Variants in RPL38 observed in about 807,000 individuals in gnomAD.
RPL38 encodes ribosomal protein L38.
RPL38 carries 2 observed loss-of-function variants against 12.8 expected under a neutral mutation model. The observed-to-expected ratio is 0.16, with a 90% confidence interval of 0.06 to 0.49. The LOEUF (loss-of-function observed/expected upper bound fraction) is 0.49, where lower values mean the gene tolerates loss of function less well. Ranked by LOEUF, RPL38 falls within the 20% of genes least tolerant of loss-of-function variation. RPL38 has a pLI of 0.96. For synonymous variants in RPL38, 42 were observed against 30.1 expected (o/e 1.39, Z -1.29); for missense variants, 52 against 79.8 (o/e 0.65, Z 1.33).
intron 3 of RPL38, among the ~76,000 whole-genome samples, chr17:74,208,648 A>G (rs1276660845): frequency 2.0e-5 from 3 of 152,272 alleles, no homozygotes; most frequent in Non-Finnish European, 2.9e-5. Flanking sequence ...TTTTAAAAAG[A>G]TAATAGGCCA....
At chr17:74,209,526 T>C (rs934981559) in intron 4 of RPL38, 4 of 658,964 alleles carry the variant, frequency 6.1e-6, no homozygotes, top group African/African-American at 5.5e-5. Context: ...CGGTTAGAGC[T>C]CATTTAATCC....
Position 74,209,871 on chromosome 17 carries a change from A to G in RPL38, c.*42A>G. 1.3e-6 allele frequency: 2 copies of G among 1,544,256 alleles called. No homozygotes were observed. Among genetic ancestry groups the G allele is most frequent in the Non-Finnish European group, 1.8e-6 (2 of 1,117,510 alleles). On this transcript the variant is annotated 3_prime_UTR_variant, in exon 5 of 5. Coordinates refer to ENST00000311111, the MANE Select transcript of RPL38 (RefSeq NM_000999.4). ...GGAACTGTATTATATTAAAATACTA[A>G]AAATCCTAAGTGTCTTTCGTCTTTG...
In RPL38 at chr17:74,203,696, C is replaced by CGGTTGCT. The variant is rs988415540; in HGVS notation, c.-86_-80dup. On this transcript the variant is annotated 5_prime_UTR_variant, in exon 1 of 5. Coordinates refer to ENST00000311111, the MANE Select transcript of RPL38 (RefSeq NM_000999.4). ...TCTCGTTCTTTTTCGTCCTTTTCCC[C>CGGTTGCT]GGTTGCTGCTTGCTGTGAGTGTCTC... is the stretch of plus-strand genomic sequence containing the variant. 1 of 506,148 alleles carries CGGTTGCT rather than the reference C, an allele frequency of 2.0e-6. No homozygotes were observed. Among genetic ancestry groups the CGGTTGCT allele is most frequent in the African/African-American group, 1.9e-5 (1 of 51,706 alleles). The allele number at this position is 506,148 out of a possible 1,614,324, so 31.4% of individuals were successfully genotyped here. A position where few individuals can be genotyped will look rare whatever the true frequency, so the allele number is the denominator to read the frequency against.
chr17:74,209,122 C>T (rs1598206911), intron 3 of RPL38, 65 bp from the exon 4 acceptor site: 13 of 1,575,166 alleles, frequency 8.3e-6, no homozygotes, highest in Non-Finnish European at 1.1e-5. Context: ...AGTGTATTTG[C>T]ACATGGACTG....
intron 3 of RPL38, among the ~76,000 whole-genome samples, chr17:74,208,075 C>T (rs1156749534): frequency 6.6e-6 from 1 of 152,292 alleles, no homozygotes; most frequent in South Asian, 2.1e-4. Context: ...GTGCGTCTGC[C>T]AGGTTAAGTG....
intron 3 of RPL38, chr17:74,204,496 AAC>A (rs1013495566): frequency 2.4e-6 from 1 of 416,472 alleles, no homozygotes; most frequent in Non-Finnish European, 4.4e-6. Context: ...AAAGCCTCAA[AAC>A]ACACGTCCCA....
chr17:74,207,513 A>T (rs191954503), intron 3 of RPL38, among the ~76,000 whole-genome samples: 1 of 152,020 alleles, frequency 6.6e-6, no homozygotes, highest in Admixed American at 6.6e-5. Flanking sequence ...GGCAATGTTG[A>T]GTAAACTTTT....
rs1016932973 is a variant in RPL38, at chr17:74,209,925, G to C, written c.*96G>C. 1.4e-5 allele frequency: 14 copies of C among 1,005,726 alleles called. No homozygotes were observed. In the South Asian group the frequency reaches 1.8e-4, roughly 13 times the overall value. The allele number at this position is 1,005,726 out of a possible 1,614,324, so 62.3% of individuals were successfully genotyped here. A position where few individuals can be genotyped will look rare whatever the true frequency, so the allele number is the denominator to read the frequency against. ...ATGGGAAAGGGAAAAATGCTACCTCGTAGTGGCTTCTGATGGGAACAGGAC... is the reference window on the plus strand; with the variant it reads ...ATGGGAAAGGGAAAAATGCTACCTCCTAGTGGCTTCTGATGGGAACAGGAC... On this transcript the variant is annotated 3_prime_UTR_variant, in exon 5 of 5. Transcript: ENST00000311111.
chr17:74,209,419 T>A (rs2050144560), intron 4 of RPL38, 110 bp downstream of exon 4: 2 of 1,301,030 alleles, frequency 1.5e-6, no homozygotes, highest in East Asian at 4.6e-5. Context: ...GCCCATTTTA[T>A]GGTCTAAGAA....
chr17:74,204,020 C>G, intron 2 of RPL38, 62 bp downstream of exon 2: 1 of 1,612,270 alleles, frequency 6.2e-7, no homozygotes, highest in Non-Finnish European at 8.5e-7. Context: ...GGGGCGAGGG[C>G]GAGAGAGCCT....
rs1305972547 is a variant in RPL38, at chr17:74,210,518, CCT to C, written c.*692_*693del. On this transcript the variant is annotated 3_prime_UTR_variant, in exon 5 of 5. Coordinates refer to ENST00000311111, the MANE Select transcript of RPL38 (RefSeq NM_000999.4). The stretch of plus-strand genomic sequence containing the variant: ...CAGTTGGAAAATAGCCATATTAACA[CCT>C]CTTTCATTGGCTTGCTGTCAGGGTA... The C allele has an allele frequency of 6.6e-6, 1 of 152,252 alleles. No homozygotes were observed. The highest frequency in any genetic ancestry group is 1.5e-5 in the Non-Finnish European group (1 of 68,088). The allele number at this position is 152,252 out of a possible 1,614,324, so 9.4% of individuals were successfully genotyped here.
rs904924875 is a variant in RPL38, at chr17:74,203,722, T to C, written c.-62T>C. The C allele has an allele frequency of 3.3e-6, 2 of 598,548 alleles. No individual in the cohort carries two copies. Among genetic ancestry groups the C allele is most frequent in the Non-Finnish European group, 3.0e-6 (1 of 334,816 alleles). The allele number at this position is 598,548 out of a possible 1,614,324, so 37.1% of individuals were successfully genotyped here. A position where few individuals can be genotyped will look rare whatever the true frequency, so the allele number is the denominator to read the frequency against. ...GGTTGCTGCTTGCTGTGAGTGTCTC[T>C]AGGGTGATACGTGGGTGAGAAAGGT... On this transcript the variant is annotated 5_prime_UTR_variant, in exon 1 of 5. Coordinates refer to ENST00000311111, the MANE Select transcript of RPL38 (RefSeq NM_000999.4).
At chr17:74,208,610 TC>T (rs1158212014) in intron 3 of RPL38, among the ~76,000 whole-genome samples, 3 of 152,148 alleles carry the variant, frequency 2.0e-5, no homozygotes, top group African/African-American at 7.2e-5. Flanking sequence ...ACAGCCCGTC[TC>T]CTTACTTTAT....
At position 74,210,088 on chromosome 17, in the gene RPL38, A is replaced by G. The variant is rs57283627; in HGVS notation, c.*259A>G. On this transcript the variant is annotated 3_prime_UTR_variant, in exon 5 of 5. Coordinates refer to ENST00000311111, the MANE Select transcript of RPL38 (RefSeq NM_000999.4). ...CTACCACCTCCGCCTCCTGGGTTCA[A>G]GCGACTGTCCTGCCTCAGCCTCCCG... The G allele has an allele frequency of 0.021, 8,184 of 396,408 alleles. 448 individuals carry two copies. The highest frequency in any genetic ancestry group is 0.13 in the African/African-American group (6,071 of 47,170). 24.6% of individuals were successfully genotyped at this position (396,408 alleles called of 1,614,324 possible).
intron 3 of RPL38, 122 bp from the exon 4 acceptor site, chr17:74,209,065 A>G: frequency 2.1e-6 from 2 of 967,334 alleles, no homozygotes; most frequent in Non-Finnish European, 3.2e-6. Context: ...GCACAGAGGG[A>G]TGGTACTGGA....
Position 74,209,966 on chromosome 17 carries a change from G to T in RPL38, c.*137G>T. The T allele has an allele frequency of 1.7e-6, 1 of 576,186 alleles. No homozygotes were observed. The highest frequency in any genetic ancestry group is 3.0e-6 in the Non-Finnish European group (1 of 329,762). The allele number at this position is 576,186 out of a possible 1,614,324, so 35.7% of individuals were successfully genotyped here. A position where few individuals can be genotyped will look rare whatever the true frequency, so the allele number is the denominator to read the frequency against. ...GGAACAGGACGCGGGTTCTGTTGCT[G>T]CCTTCCTGTGTCTTTTTTTTTTTTT... On this transcript the variant is annotated 3_prime_UTR_variant, in exon 5 of 5. Coordinates refer to ENST00000311111, the MANE Select transcript of RPL38 (RefSeq NM_000999.4).
chr17:74,204,257 C>T (rs762014240), intron 3 of RPL38, 67 bp downstream of exon 3: 4 of 1,442,044 alleles, frequency 2.8e-6, no homozygotes, highest in East Asian at 2.3e-5. Context: ...GGAGCGTCTT[C>T]CCCGGAATGT....
intron 4 of RPL38, 83 bp downstream of exon 4, chr17:74,209,392 C>A (rs1598207063): frequency 1.3e-6 from 2 of 1,512,850 alleles, no homozygotes; most frequent in South Asian, 1.2e-5. Flanking sequence ...TGTTTTGAAT[C>A]CCTCTCAGAT....
At chr17:74,206,011 C>G (rs1870985) in intron 3 of RPL38, 6,700 of 152,174 alleles carry the variant, frequency 0.044, 267 homozygotes, top group African/African-American at 0.11. Context: ...CAGAGCGAGA[C>G]TGTCTCACAA....
Sources: gnomAD v4.1 joint callset for allele counts (sites outside exome capture counted in the v4.1 genomes callset) on GRCh38, gnomAD v4.1.1 for gene constraint, MANE v1.5 for transcripts, NCBI Gene and HGNC (gene_info 2026-07-23, HGNC 2026-07-21) for gene names.